The following TTLL5 variants were observed in gnomAD, a reference collection of about 807,000 sequenced individuals.
TTLL5 encodes the protein tubulin polyglutamylase TTLL5.
A neutral mutation model predicts 168.4 loss-of-function variants in TTLL5; 132 were observed. The observed-to-expected ratio is 0.78, with a 90% CI of 0.68 to 0.91. The LOEUF is 0.91. Ranked by LOEUF, TTLL5 falls within the 40% of genes least tolerant of loss-of-function variation. TTLL5 has a pLI of 0.00. For missense variants in TTLL5, 1,545 were observed against 1,581.5 expected (o/e 0.98, Z 0.39); for synonymous variants, 546 against 558.6 (o/e 0.98, Z 0.32).
chr14:75,731,015 G>A (rs945024967), intron 12 of TTLL5, among the ~76,000 whole-genome samples: 1 of 152,118 alleles, frequency 6.6e-6, no homozygotes, highest in African/African-American at 2.4e-5. Context: ...ACCATACCCG[G>A]CCTCATTCTA....
intron 6 of TTLL5, among the ~76,000 whole-genome samples, chr14:75,694,744 C>G (rs1885710785): frequency 1.3e-5 from 2 of 152,168 alleles, no homozygotes; most frequent in African/African-American, 4.8e-5. Flanking sequence ...CAAATTAATA[C>G]TTTTATAATT....
chr14:75,886,764 G>A (rs780287963), intron 30 of TTLL5: 1 of 1,596,956 alleles, frequency 6.3e-7, no homozygotes, highest in Admixed American at 1.7e-5. Flanking sequence ...CAGCTGAACT[G>A]AGGACGACAG....
chr14:75,792,958 C>A lies in TTLL5; in HGVS notation c.3029C>A (p.Thr1010Lys). The part of the protein sequence containing the change: ...LNKHHSGIAK[T>K]QKEGEDASLY... The stretch of plus-strand genomic sequence containing the variant: ...AAGCATCATTCAGGAATAGCCAAAA[C>A]ACAAAAAGAGGGAGAAGATGCTTCT... The change falls in exon 27 of 32, where the codon ACA (threonine) becomes AAA (lysine). Residue 1010 changes from threonine to lysine, a missense_variant. Thr to Lys is a moderately conservative substitution (Grantham distance 78, BLOSUM62 -1). Transcript: ENST00000298832. 1 of 1,610,902 alleles carries A rather than the reference C, an allele frequency of 6.2e-7. No individual in the cohort carries two copies. The highest frequency in any genetic ancestry group is 8.5e-7 in the Non-Finnish European group (1 of 1,178,066).
At chr14:75,836,740 T>C (rs1477208142) in intron 28 of TTLL5, among the ~76,000 whole-genome samples, 1 of 152,166 alleles carries the variant, frequency 6.6e-6, no homozygotes. Context: ...AAATATATTA[T>C]ACATACTGAT....
chr14:75,671,874 T>C (rs549646304), intron 3 of TTLL5, among the ~76,000 whole-genome samples: 1 of 152,350 alleles, frequency 6.6e-6, no homozygotes, highest in South Asian at 2.1e-4. Context: ...TATTTCTTTT[T>C]CTTCCCTAAT....
At chr14:75,779,481 C>A in intron 23 of TTLL5, 94 bp from the exon 24 acceptor site, 3 of 1,542,464 alleles carry the variant, frequency 1.9e-6, no homozygotes, top group Non-Finnish European at 2.6e-6. Flanking sequence ...TCATTTTTCC[C>A]TTTTCCAGCT....
At chr14:75,733,886 C>A in intron 13 of TTLL5, 103 bp from the exon 14 acceptor site, 122 of 1,034,328 alleles carry the variant, frequency 1.2e-4, no homozygotes, top group Middle Eastern at 2.1e-4. Context: ...TGTTGCTCTT[C>A]ATTGACATTT....
At chr14:75,782,950 ATT>A (rs1892143798) in intron 25 of TTLL5, among the ~76,000 whole-genome samples, 195 bp from the exon 26 acceptor site, 1 of 152,162 alleles carries the variant, frequency 6.6e-6, no homozygotes, top group Non-Finnish European at 1.5e-5. Context: ...GTAAATTCCT[ATT>A]TCTGTTGCCA....
chr14:75,743,888 C>T (rs1246427297), intron 15 of TTLL5, among the ~76,000 whole-genome samples: 1 of 152,038 alleles, frequency 6.6e-6, no homozygotes, highest in Non-Finnish European at 1.5e-5. Context: ...GCCACCATCT[C>T]TTCTTATAAG....
intron 28 of TTLL5, among the ~76,000 whole-genome samples, chr14:75,841,721 A>G (rs1044559302): frequency 2.0e-5 from 3 of 152,146 alleles, no homozygotes; most frequent in Non-Finnish European, 4.4e-5. Context: ...GTAGACTGAA[A>G]TATCTATGTC....
At chr14:75,810,755 T>C (rs1893946108) in intron 27 of TTLL5, among the ~76,000 whole-genome samples, 1 of 152,226 alleles carries the variant, frequency 6.6e-6, no homozygotes, top group South Asian at 2.1e-4. Flanking sequence ...TGAGATTAGT[T>C]TGAGTCCATT....
chr14:75,874,848 A>G (rs1455839566), intron 29 of TTLL5, among the ~76,000 whole-genome samples: 1 of 151,488 alleles, frequency 6.6e-6, no homozygotes, highest in Non-Finnish European at 1.5e-5. Context: ...GTGCACATGT[A>G]CATATGGTAT....
At chr14:75,721,294 T>A (rs1887820046) in intron 12 of TTLL5, among the ~76,000 whole-genome samples, 1 of 152,200 alleles carries the variant, frequency 6.6e-6, no homozygotes, top group Non-Finnish European at 1.5e-5. Context: ...AAATGTTACC[T>A]ACTGACCCCC....
chr14:75,930,597 G>T (rs771719391), intron 31 of TTLL5: 22 of 985,216 alleles, frequency 2.2e-5, no homozygotes, highest in Non-Finnish European at 2.7e-5. Flanking sequence ...GACGTTTCTT[G>T]CAGAGAACAA....
rs576110039 is a variant in TTLL5, at chr14:75,693,137, GA to G, written c.502+2817del. Among the ~76,000 whole-genome samples the G allele has an allele frequency of 8.6e-4, 131 of 152,296 alleles. 1 individual carries two copies. The highest frequency in any genetic ancestry group is 1.9e-3 in the Admixed American group (29 of 15,298). Reference sequence around the variant, plus strand: ...GTGTCTCCTGAAAGAGGAGAAGGAAGAAGGCTAAGTTGATGACCCAGATAAC... The same window carrying G: ...GTGTCTCCTGAAAGAGGAGAAGGAAGAGGCTAAGTTGATGACCCAGATAAC... On this transcript the variant is annotated intron_variant, in intron 6 of 31. Coordinates refer to ENST00000298832, the MANE Select transcript of TTLL5 (RefSeq NM_015072.5).
chr14:75,940,595 A>G (rs1285067034), intron 31 of TTLL5, among the ~76,000 whole-genome samples: 4 of 152,174 alleles, frequency 2.6e-5, no homozygotes, highest in African/African-American at 9.7e-5. Flanking sequence ...AAATTTTTAA[A>G]TTTTCATAAC....
intron 31 of TTLL5, among the ~76,000 whole-genome samples, chr14:75,940,246 T>C (rs898704722): frequency 1.6e-4 from 24 of 151,840 alleles, no homozygotes; most frequent in Admixed American, 1.5e-3. Context: ...GCCTGGCTAA[T>C]TTTTTTGTAT....
chr14:75,878,246 C>T (rs1168206438), intron 29 of TTLL5, among the ~76,000 whole-genome samples: 6 of 152,286 alleles, frequency 3.9e-5, no homozygotes, highest in Middle Eastern at 6.8e-3. Flanking sequence ...ACCCTCTCTA[C>T]CACCAATAGT....
chr14:75,756,988 G>GT lies in TTLL5; in HGVS notation c.1550+4041dup, dbSNP rs1018686556. ...TTGTTGTTGTTGTTGTTGTTGTTTT[G>GT]TTTTTTTTGAGAGGAGTCTCGCTCT... On this transcript the variant is annotated intron_variant, in intron 18 of 31. Transcript: ENST00000298832. Among the ~76,000 whole-genome samples, 52 of 133,522 alleles carry GT rather than the reference G, an allele frequency of 3.9e-4. No homozygotes were observed. In the South Asian group the frequency reaches 9.0e-3, roughly 23 times the overall value. The allele number at this position is 133,522 out of a possible 152,430, so 87.6% of individuals were successfully genotyped here. A position where few individuals can be genotyped will look rare whatever the true frequency, so the allele number is the denominator to read the frequency against.
Sources: gnomAD v4.1 joint callset for allele counts (sites outside exome capture counted in the v4.1 genomes callset) on GRCh38, gnomAD v4.1.1 for gene constraint, MANE v1.5 for transcripts, NCBI Gene and HGNC (gene_info 2026-07-23, HGNC 2026-07-21) for gene names.